The following ACACA variants were observed in gnomAD, a reference collection of about 807,000 sequenced individuals.
The protein encoded by ACACA is acetyl-CoA carboxylase 1.
In ACACA, 103 loss-of-function variants were observed where a neutral mutation model predicts 296.1. The observed-to-expected ratio is 0.35, with a 90% CI of 0.30 to 0.41. The LOEUF (loss-of-function observed/expected upper bound fraction) is 0.41, where lower values mean the gene tolerates loss of function less well. ACACA is among the 10% of genes least tolerant of loss of function. ACACA has a pLI of 1.00. For synonymous variants in ACACA, 953 were observed against 1,038.6 expected (o/e 0.92, Z 1.58); for missense variants, 1,554 against 2,989.7 (o/e 0.52, Z 11.20).
intron 25 of ACACA, among the ~76,000 whole-genome samples, chr17:37,229,242 A>G (rs1293994123): frequency 6.6e-6 from 1 of 152,126 alleles, no homozygotes; most frequent in African/African-American, 2.4e-5. Flanking sequence ...ACCTTTACAG[A>G]TGAAACTAAA....
At chr17:37,325,859 C>A (rs551606216) in intron 3 of ACACA, among the ~76,000 whole-genome samples, 1 of 150,570 alleles carries the variant, frequency 6.6e-6, no homozygotes, top group East Asian at 2.1e-4. Context: ...CAGGCGTGAG[C>A]CACCACGCCC....
chr17:37,210,340 G>T, intron 30 of ACACA, 127 bp downstream of exon 30: 1 of 816,344 alleles, frequency 1.2e-6, no homozygotes, highest in South Asian at 1.5e-5. Context: ...GTCCAAAGGG[G>T]AGCTCAGGAC....
At chr17:37,337,236 G>T (rs548604060) in intron 2 of ACACA, among the ~76,000 whole-genome samples, 1 of 152,098 alleles carries the variant, frequency 6.6e-6, no homozygotes, top group South Asian at 2.1e-4. Context: ...ACTATAGTGA[G>T]ATCCCATCCC....
chr17:37,208,874 G>A (rs886428185), intron 30 of ACACA, among the ~76,000 whole-genome samples: 2 of 152,172 alleles, frequency 1.3e-5, no homozygotes, highest in African/African-American at 4.8e-5. Context: ...TTGAATTTGG[G>A]GAACTGCCCC....
intron 1 of ACACA, among the ~76,000 whole-genome samples, chr17:37,373,223 C>T (rs1342368109): frequency 1.3e-5 from 2 of 151,974 alleles, no homozygotes; most frequent in East Asian, 1.9e-4. Context: ...GCTCTGCCCC[C>T]GACAGTATGG....
At chr17:37,381,952 C>A (rs888556967) in intron 1 of ACACA, among the ~76,000 whole-genome samples, 1 of 152,040 alleles carries the variant, frequency 6.6e-6, no homozygotes, top group Admixed American at 6.6e-5. Flanking sequence ...TCTACTAGCC[C>A]CCTATTGATA....
At chr17:37,233,742 A>T (rs1180237206) in intron 25 of ACACA, among the ~76,000 whole-genome samples, 2 of 152,210 alleles carry the variant, frequency 1.3e-5, no homozygotes, top group East Asian at 1.9e-4. Context: ...GACAAAAAAA[A>T]TTAGCAAGCT....
chr17:37,130,865 C>T (rs1035425562), intron 45 of ACACA, among the ~76,000 whole-genome samples: 2 of 148,702 alleles, frequency 1.3e-5, no homozygotes, highest in Non-Finnish European at 3.0e-5. Context: ...GGCTTAGGTT[C>T]CTCATTTTTA....
At chr17:37,192,571 A>C (rs997645533) in intron 36 of ACACA, among the ~76,000 whole-genome samples, 1 of 152,114 alleles carries the variant, frequency 6.6e-6, no homozygotes, top group East Asian at 1.9e-4. Flanking sequence ...ATACATGAAA[A>C]ACAAACAAAA....
chr17:37,320,469 C>T (rs984838581), intron 3 of ACACA, among the ~76,000 whole-genome samples: 10 of 151,650 alleles, frequency 6.6e-5, no homozygotes, highest in African/African-American at 2.2e-4. Context: ...CGAGATCACA[C>T]CACTGTATTC....
chr17:37,107,438 G>A (rs2073751597), intron 52 of ACACA, among the ~76,000 whole-genome samples: 1 of 152,196 alleles, frequency 6.6e-6, no homozygotes, highest in Non-Finnish European at 1.5e-5. Flanking sequence ...TGGGAGGAAG[G>A]CATTCCTGAA....
Position 37,221,130 on chromosome 17 carries a change from G to A in ACACA, c.3683+594C>T, listed in dbSNP as rs186520470. Reference sequence around the variant, plus strand: ...AATTCTGAAACAAAAACGTCCATATGTACATTTTATTTTTTAAAAGACAGG... The same window carrying A: ...AATTCTGAAACAAAAACGTCCATATATACATTTTATTTTTTAAAAGACAGG... On this transcript the variant is annotated intron_variant, in intron 29 of 55. Coordinates refer to ENST00000616317, the MANE Select transcript of ACACA (RefSeq NM_198834.3). 7.2e-3 allele frequency among the ~76,000 whole-genome samples: 1,094 copies of A among 152,184 alleles called. 7 individuals are homozygous for A. The highest frequency in any genetic ancestry group is 9.7e-3 in the Non-Finnish European group (659 of 67,998).
chr17:37,198,634 T>C (rs559099318), intron 35 of ACACA, among the ~76,000 whole-genome samples: 1 of 152,290 alleles, frequency 6.6e-6, no homozygotes, highest in South Asian at 2.1e-4. Context: ...CTAAAGTTAT[T>C]GATTGACATA....
chr17:37,265,453 A>C (rs2081718841), intron 10 of ACACA, among the ~76,000 whole-genome samples: 1 of 152,190 alleles, frequency 6.6e-6, no homozygotes, highest in Admixed American at 6.5e-5. Context: ...TGTCCAGAAG[A>C]AAATGAGGTT....
At chr17:37,134,514 A>G (rs139750627) in intron 45 of ACACA, among the ~76,000 whole-genome samples, 2 of 152,312 alleles carry the variant, frequency 1.3e-5, no homozygotes, top group East Asian at 3.9e-4. Flanking sequence ...TGACATACAC[A>G]TTATGTTGGG....
chr17:37,223,303 T>C (rs1481358853), intron 28 of ACACA, among the ~76,000 whole-genome samples: 1 of 152,226 alleles, frequency 6.6e-6, no homozygotes, highest in East Asian at 1.9e-4. Flanking sequence ...TTCCTGTGAT[T>C]GGAACCTAGA....
At chr17:37,223,906 C>T (rs538589195) in intron 27 of ACACA, among the ~76,000 whole-genome samples, 1 of 152,336 alleles carries the variant, frequency 6.6e-6, no homozygotes, top group East Asian at 1.9e-4. Flanking sequence ...TCTGAACTCT[C>T]TAAATATTGT....
intron 1 of ACACA, among the ~76,000 whole-genome samples, chr17:37,343,949 T>C (rs538153922): frequency 6.6e-6 from 1 of 151,936 alleles, no homozygotes; most frequent in East Asian, 1.9e-4. Flanking sequence ...AGAACTTGTG[T>C]TCCAAATAGT....
intron 45 of ACACA, 126 bp downstream of exon 45, chr17:37,149,738 G>A: frequency 1.3e-6 from 1 of 794,312 alleles, no homozygotes; most frequent in Non-Finnish European, 2.2e-6. Context: ...TGGAGGGAGA[G>A]GGGAAGAGAT....
Sources: allele counts gnomAD v4.1 joint callset (sites outside exome capture counted in the v4.1 genomes callset), GRCh38; gene constraint gnomAD v4.1.1; transcripts MANE v1.5; gene names NCBI Gene and HGNC (gene_info 2026-07-23, HGNC 2026-07-21).